PDSS1: variants seen among roughly 807,000 people sequenced by gnomAD.
The protein encoded by PDSS1 is decaprenyl diphosphate synthase subunit 1, also known as all trans-polyprenyl-diphosphate synthase PDSS1.
A neutral mutation model predicts 57.5 loss-of-function variants in PDSS1; 43 were observed. The observed-to-expected ratio is 0.75, with a 90% CI of 0.59 to 0.96. The LOEUF is 0.96. PDSS1 is among the 50% of genes least tolerant of loss of function. The probability of loss-of-function intolerance (pLI) is 0.00; values close to 1 mark genes in which losing one functional copy is unlikely to be tolerated. For missense variants in PDSS1, 438 were observed against 527.8 expected, an observed-to-expected ratio of 0.83 and a Z score of 1.67; for synonymous variants, 175 against 191.3, an observed-to-expected ratio of 0.91 and a Z score of 0.70.
intron 8 of PDSS1, among the ~76,000 whole-genome samples, chr10:26,727,338 CTCT>C (rs756766137): frequency 0.042 from 5,560 of 131,678 alleles, 137 homozygotes; most frequent in Middle Eastern, 0.13. Flanking sequence ...CTCTCTCTCT[CTCT>C]TTTTTTTTTT....
chr10:26,698,369 G>T (rs142038058), intron 1 of PDSS1, among the ~76,000 whole-genome samples: 10 of 152,258 alleles, frequency 6.6e-5, no homozygotes, highest in African/African-American at 2.4e-4. Flanking sequence ...TAGTTGTCCA[G>T]CAGTGGCCTC....
intron 5 of PDSS1, among the ~76,000 whole-genome samples, chr10:26,712,753 T>G (rs142022622): frequency 1.0e-5 from 1 of 97,820 alleles, no homozygotes; most frequent in Non-Finnish European, 2.4e-5. Flanking sequence ...TAGGGGGAAA[T>G]GGCAGCTAAA....
chr10:26,714,077 C>T (rs1222923802), intron 5 of PDSS1, among the ~76,000 whole-genome samples: 4 of 152,176 alleles, frequency 2.6e-5, no homozygotes, highest in Admixed American at 6.5e-5. Flanking sequence ...AATAAACATC[C>T]TGTCCTTTAA....
intron 8 of PDSS1, among the ~76,000 whole-genome samples, chr10:26,727,218 A>T (rs1009916100): frequency 3.9e-5 from 6 of 152,130 alleles, no homozygotes; most frequent in African/African-American, 1.4e-4. Context: ...AATCTGGTGG[A>T]AATGAGACCT....
At chr10:26,722,304 CAATG>C (rs1835814714) in intron 6 of PDSS1, among the ~76,000 whole-genome samples, 1 of 152,144 alleles carries the variant, frequency 6.6e-6, no homozygotes, top group African/African-American at 2.4e-5. Flanking sequence ...TTGGTAAACA[CAATG>C]AACATCACTG....
Position 26,720,160 on chromosome 10 carries a change from G to C in PDSS1, c.468-58G>C, listed in dbSNP as rs1835736662. 3.1e-6 allele frequency: 5 copies of C among 1,609,806 alleles called. No homozygotes were observed. The Admixed American group carries it at 5.0e-5, about 16-fold the overall frequency. ...ATCCGATGTCCAGTTTTCACAAGCT[G>C]ATTGCTGAGAAGGTTCTAGGCGGCG... On this transcript the variant is annotated intron_variant, in intron 5 of 11. Transcript: ENST00000376215.
At chr10:26,746,264 T>C (rs1210526667) in intron 11 of PDSS1, 69 bp from the exon 12 acceptor site, 4 of 1,456,226 alleles carry the variant, frequency 2.7e-6, no homozygotes, top group African/African-American at 1.4e-5. Flanking sequence ...TCATTTATTA[T>C]AGCAGGAAGT....
At chr10:26,701,204 G>T (rs1564414378) in intron 1 of PDSS1, among the ~76,000 whole-genome samples, 1 of 152,214 alleles carries the variant, frequency 6.6e-6, no homozygotes, top group Non-Finnish European at 1.5e-5. Flanking sequence ...GGGAAGCAGA[G>T]CATAAACGTT....
intron 8 of PDSS1, chr10:26,734,653 T>A (rs1322041525): frequency 2.2e-6 from 1 of 456,198 alleles, no homozygotes; most frequent in Non-Finnish European, 4.4e-6. Context: ...AAGAGCGATA[T>A]CTGTGTCTGA....
At chr10:26,707,269 T>C (rs188072685) in intron 4 of PDSS1, among the ~76,000 whole-genome samples, 1 of 152,284 alleles carries the variant, frequency 6.6e-6, no homozygotes, top group East Asian at 1.9e-4. Flanking sequence ...TTAGTGTGCA[T>C]GGTTGAGCCG....
intron 6 of PDSS1, among the ~76,000 whole-genome samples, chr10:26,721,713 C>T (rs1480462906): frequency 2.5e-4 from 38 of 152,166 alleles, no homozygotes; most frequent in Non-Finnish European, 2.9e-5. Context: ...ATAGCCAGTC[C>T]TAAAGCCTTA....
chr10:26,721,171 C>T (rs1404641713), intron 6 of PDSS1, among the ~76,000 whole-genome samples: 5 of 151,836 alleles, frequency 3.3e-5, no homozygotes, highest in Admixed American at 1.3e-4. Context: ...AGCCAGCGTA[C>T]ACCTGTAATC....
intron 2 of PDSS1, among the ~76,000 whole-genome samples, chr10:26,702,755 T>C (rs1835088964): frequency 6.6e-6 from 1 of 152,058 alleles, no homozygotes; most frequent in South Asian, 2.1e-4. Flanking sequence ...TAGGCTGAGG[T>C]GGGAAGATAG....
rs111751500 is a variant in PDSS1, at chr10:26,709,302, G to A, written c.337-336G>A. ...TGGCCAGGCACGGTGGCTCACGCCT[G>A]TAATCCCAACACTTTGGGAGGCCGA... On this transcript the variant is annotated intron_variant, in intron 4 of 11. Transcript: ENST00000376215. Among the ~76,000 whole-genome samples the A allele has an allele frequency of 5.3e-4, 80 of 152,336 alleles. 1 individual carries two copies. The highest frequency in any genetic ancestry group is 1.9e-3 in the African/African-American group (77 of 41,582).
chr10:26,698,315 G>A (rs933923675), intron 1 of PDSS1, among the ~76,000 whole-genome samples: 3 of 152,130 alleles, frequency 2.0e-5, no homozygotes, highest in Non-Finnish European at 4.4e-5. Context: ...GTCCGAAAAG[G>A]TCTTGTGGAG....
At position 26,719,315 on chromosome 10, in the gene PDSS1, A is replaced by G. The variant is rs146623232; in HGVS notation, c.468-903A>G. 3.2e-4 allele frequency among the ~76,000 whole-genome samples: 48 copies of G among 152,348 alleles called. No homozygotes were observed. In the East Asian group the frequency reaches 7.7e-3, roughly 24 times the overall value. ...ATTCCCTCTGAACTGTAAAATTTAT[A>G]TCTGTGTCCTGTCTTCTTGAGCCTA... On this transcript the variant is annotated intron_variant, in intron 5 of 11. Coordinates refer to ENST00000376215, the MANE Select transcript of PDSS1 (RefSeq NM_014317.5).
intron 5 of PDSS1, among the ~76,000 whole-genome samples, chr10:26,714,029 C>T (rs1835478582): frequency 6.6e-6 from 1 of 152,150 alleles, no homozygotes; most frequent in Non-Finnish European, 1.5e-5. Context: ...ATCCTCTCCC[C>T]CTCCCTCAGG....
At chr10:26,723,143 C>T (rs1588690105) in intron 6 of PDSS1, among the ~76,000 whole-genome samples, 2 of 152,148 alleles carry the variant, frequency 1.3e-5, no homozygotes, top group East Asian at 1.9e-4. Context: ...GTGTGATGGT[C>T]GCAGCATGCA....
chr10:26,742,502 A>G lies in PDSS1; in HGVS notation c.1032A>G (p.Pro344=), dbSNP rs200147190. The change falls in exon 11 of 12, where the codon CCA becomes CCG. Residue 344 remains proline, a synonymous_variant. Coordinates refer to ENST00000376215, the MANE Select transcript of PDSS1 (RefSeq NM_014317.5). ...GPVLFACQQF[P]EMNAMIMRRF... ...TTTCTCTCTTTTTTTGTTAGTTCCCAGAAATGAATGCTATGATCATGCGAC... is the reference window on the plus strand; with the variant it reads ...TTTCTCTCTTTTTTTGTTAGTTCCCGGAAATGAATGCTATGATCATGCGAC... 59 of 1,610,556 alleles carry G rather than the reference A, an allele frequency of 3.7e-5. No homozygotes were observed. The East Asian group carries it at 1.2e-3, about 33-fold the overall frequency.
Sources: allele counts gnomAD v4.1 joint callset (sites outside exome capture counted in the v4.1 genomes callset), GRCh38; gene constraint gnomAD v4.1.1; transcripts MANE v1.5; gene names NCBI Gene and HGNC (gene_info 2026-07-23, HGNC 2026-07-21).